BPTF: variants seen among roughly 807,000 people sequenced by gnomAD.
The protein encoded by BPTF is nucleosome-remodeling factor subunit BPTF.
Under a neutral mutation model 292.5 loss-of-function variants are expected in BPTF, and 18 were observed. The ratio of observed to expected loss-of-function variants is 0.06; its 90% CI spans 0.04 to 0.09. The LOEUF is 0.09. Among genes scored for constraint, BPTF ranks in the 10% least tolerant of loss-of-function variants. The probability of loss-of-function intolerance (pLI) is 1.00; values close to 1 mark genes in which losing one functional copy is unlikely to be tolerated. For synonymous variants in BPTF, 1,225 were observed against 1,251.9 expected, an observed-to-expected ratio of 0.98 and a Z score of 0.45; for missense variants, 2,726 against 3,498.7, an observed-to-expected ratio of 0.78 and a Z score of 5.57.
chr17:67,889,533 C>T (rs914829135), intron 4 of BPTF, among the ~76,000 whole-genome samples: 7 of 152,216 alleles, frequency 4.6e-5, no homozygotes, highest in African/African-American at 1.2e-4. Context: ...GAAGGCCAGG[C>T]GCAGTGGCTC....
intron 1 of BPTF, among the ~76,000 whole-genome samples, chr17:67,847,708 C>G (rs1371233934): frequency 6.6e-6 from 1 of 151,406 alleles, no homozygotes; most frequent in African/African-American, 2.4e-5. Context: ...AGAAAGCACT[C>G]TATAAAAGCT....
At chr17:67,964,648 T>G (rs2067834565) in intron 25 of BPTF, among the ~76,000 whole-genome samples, 1 of 152,124 alleles carries the variant, frequency 6.6e-6, no homozygotes, top group African/African-American at 2.4e-5. Flanking sequence ...CTTTATACAT[T>G]TTATTTTTAA....
chr17:67,916,404 A>G (rs753373945), intron 11 of BPTF, among the ~76,000 whole-genome samples: 1 of 152,106 alleles, frequency 6.6e-6, no homozygotes, highest in African/African-American at 2.4e-5. Flanking sequence ...AGCCTGGCCA[A>G]AGTGGTGAAA....
rs2061131511 is a variant in BPTF at position 67,891,774 on chromosome 17, T to C, written c.1865-70T>C. The C allele has an allele frequency of 3.2e-6, 4 of 1,241,178 alleles. No homozygotes were observed. In the Middle Eastern group the frequency reaches 6.0e-4, roughly 186 times the overall value. 76.9% of individuals were successfully genotyped at this position (1,241,178 alleles called of 1,614,324 possible). A position where few individuals can be genotyped will look rare whatever the true frequency, so the allele number is the denominator to read the frequency against. ...TTACACATACACCAGATACGAGTTT[T>C]GGTGAAATAAGGTGGTTATAATTAT... On this transcript the variant is annotated intron_variant, in intron 4 of 27. Coordinates refer to ENST00000306378, the MANE Select transcript of BPTF (RefSeq NM_182641.4).
intron 26 of BPTF, among the ~76,000 whole-genome samples, chr17:67,968,024 AC>A (rs2068319933): frequency 2.7e-5 from 4 of 150,276 alleles, no homozygotes; most frequent in African/African-American, 9.8e-5. Context: ...TAGAGAGAAT[AC>A]CCTCATTTCC....
intron 2 of BPTF, among the ~76,000 whole-genome samples, chr17:67,863,527 G>A (rs908379191): frequency 2.0e-5 from 3 of 152,096 alleles, no homozygotes; most frequent in Admixed American, 2.0e-4. Context: ...CTTGTGATCT[G>A]CCCGCCTTGG....
chr17:67,905,056 TGGAA>T (rs2062083651), intron 9 of BPTF, among the ~76,000 whole-genome samples: 1 of 152,190 alleles, frequency 6.6e-6, no homozygotes, highest in African/African-American at 2.4e-5. Context: ...GATTGTAGAA[TGGAA>T]CTTGTTTTTT....
chr17:67,833,575 C>CTTTTT (rs879467989), intron 1 of BPTF, among the ~76,000 whole-genome samples: 2 of 142,678 alleles, frequency 1.4e-5, no homozygotes, highest in South Asian at 2.2e-4. Context: ...TAATTTCTTT[C>CTTTTT]TTTTTTTTTT....
chr17:67,871,495 A>G (rs780576593), intron 3 of BPTF, among the ~76,000 whole-genome samples: 67 of 151,636 alleles, frequency 4.4e-4, no homozygotes, highest in Non-Finnish European at 8.5e-4. Context: ...TTCATCGTAT[A>G]GATCTGTACT....
intron 18 of BPTF, among the ~76,000 whole-genome samples, chr17:67,934,857 C>A: frequency 2.3e-5 from 2 of 87,094 alleles, no homozygotes; most frequent in Admixed American, 1.8e-4. Flanking sequence ...GAGCAATGAG[C>A]GAAACTCTGT....
chr17:67,928,221 T>A (rs1248308076), intron 15 of BPTF, 134 bp from the exon 16 acceptor site: 1 of 1,008,724 alleles, frequency 9.9e-7, no homozygotes, highest in Non-Finnish European at 1.4e-6. Context: ...TATATTCTTT[T>A]TGGAAGTAAA....
At chr17:67,853,595 T>TTTA (rs138011827) in intron 1 of BPTF, among the ~76,000 whole-genome samples, 9,937 of 151,184 alleles carry the variant, frequency 0.066, 1,082 homozygotes, top group African/African-American at 0.23. Context: ...AATGCAGTTA[T>TTTA]TTATTATTAT....
At chr17:67,969,674 GT>G (rs1258210954) in intron 26 of BPTF, among the ~76,000 whole-genome samples, 1 of 151,222 alleles carries the variant, frequency 6.6e-6, no homozygotes, top group Non-Finnish European at 1.5e-5. Flanking sequence ...GTTTGTTTTT[GT>G]TTTTTTTAAT....
chr17:67,901,098 C>T (rs12941483), intron 7 of BPTF, among the ~76,000 whole-genome samples: 4,739 of 151,824 alleles, frequency 0.031, 117 homozygotes, highest in Non-Finnish European at 0.054. Flanking sequence ...GAAAAAGGTA[C>T]TAGATATTAA....
intron 2 of BPTF, among the ~76,000 whole-genome samples, chr17:67,857,394 T>TC (rs2058761487): frequency 1.3e-5 from 2 of 151,788 alleles, no homozygotes; most frequent in Non-Finnish European, 2.9e-5. Context: ...TCTCCTGACC[T>TC]TGTGATCTGT....
At chr17:67,893,901 A>AC in intron 6 of BPTF, 133 bp from the exon 7 acceptor site, 1 of 1,237,018 alleles carries the variant, frequency 8.1e-7, no homozygotes, top group Non-Finnish European at 1.1e-6. Flanking sequence ...CGACACCACT[A>AC]ACTATTTGGA....
chr17:67,860,981 T>G (rs534105519), intron 2 of BPTF, among the ~76,000 whole-genome samples: 17 of 152,338 alleles, frequency 1.1e-4, no homozygotes, highest in African/African-American at 4.1e-4. Context: ...TGACTTCCCG[T>G]GCCTGAATTC....
intron 4 of BPTF, among the ~76,000 whole-genome samples, chr17:67,890,579 C>A (rs904024188): frequency 6.6e-6 from 1 of 152,144 alleles, no homozygotes; most frequent in African/African-American, 2.4e-5. Flanking sequence ...TGTCTGGCCA[C>A]GCTGGGTCCT....
intron 11 of BPTF, among the ~76,000 whole-genome samples, chr17:67,917,395 T>C (rs2063112564): frequency 6.6e-6 from 1 of 152,050 alleles, no homozygotes; most frequent in Non-Finnish European, 1.5e-5. Context: ...AGTGCTGGGA[T>C]TACAGGTGTG....
Sources: gnomAD v4.1 joint callset for allele counts (sites outside exome capture counted in the v4.1 genomes callset) on GRCh38, gnomAD v4.1.1 for gene constraint, MANE v1.5 for transcripts, NCBI Gene and HGNC (gene_info 2026-07-23, HGNC 2026-07-21) for gene names.